The following ITGB4 variants were observed in gnomAD, a reference collection of about 807,000 sequenced individuals.
ITGB4 encodes the protein integrin subunit beta 4, also known as integrin beta-4.
Under a neutral mutation model 207.6 loss-of-function variants are expected in ITGB4, and 159 were observed. The ratio of observed to expected loss-of-function variants is 0.77; its 90% confidence interval spans 0.67 to 0.87. The LOEUF is 0.87. Among genes scored for constraint, ITGB4 ranks in the 40% least tolerant of loss-of-function variants. The pLI, the probability that ITGB4 is intolerant of heterozygous loss-of-function variation, is 0.00. For missense variants in ITGB4, 2,278 were observed against 2,546.8 expected (o/e 0.89, Z 2.27); for synonymous variants, 1,020 against 1,062.7 (o/e 0.96, Z 0.78).
Position 75,727,420 on chromosome 17 carries a change from G to A in ITGB4, c.179G>A (p.Arg60His), listed in dbSNP as rs746305033. 64 of 1,614,028 alleles carry A rather than the reference G, an allele frequency of 4.0e-5. 1 individual carries two copies. The South Asian group carries it at 5.8e-4, about 15-fold the overall frequency. ...YCTDEMFRDRRCNTQAELLAA... is the reference protein window; with the variant it reads ...YCTDEMFRDRHCNTQAELLAA... ...TCTGGCCAGATGTTCAGGGACCGGC[G>A]CTGCAACACCCAGGCGGAGCTGCTG... is the stretch of plus-strand genomic sequence containing the variant. The change falls in exon 4 of 40, where the codon CGC (arginine) becomes CAC (histidine). Residue 60 changes from arginine (R) to histidine (H), a missense_variant. Coordinates refer to ENST00000200181, the MANE Select transcript of ITGB4 (RefSeq NM_000213.5). This position sits in a 1 kb window ranked among gnomAD's most constrained non-coding sequence, Gnocchi z 6.0.
chr17:75,739,732 C>T lies in ITGB4; in HGVS notation c.2254+27C>T. On this transcript the variant is annotated intron_variant, in intron 19 of 39. Transcript: ENST00000200181. The surrounding 1 kb of genome is among the most constrained non-coding windows in gnomAD (Gnocchi z 5.4). Reference sequence around the variant, plus strand: ...TATGGGCCTGGCATCGCAGGGGCAGCAGGGGCTCTGACTGCTCTTTCTCTG... The same window carrying T: ...TATGGGCCTGGCATCGCAGGGGCAGTAGGGGCTCTGACTGCTCTTTCTCTG... 1.2e-6 allele frequency: 2 copies of T among 1,613,946 alleles called. No individual in the cohort carries two copies. The highest frequency in any genetic ancestry group is 1.7e-6 in the Non-Finnish European group (2 of 1,179,890).
Position 75,755,767 on chromosome 17 carries a change from CAT to C in ITGB4, c.4626_4627del (p.Leu1544GlnfsTer27). On this transcript the variant is annotated frameshift_variant, in exon 35 of 40. Coordinates refer to ENST00000200181, the MANE Select transcript of ITGB4 (RefSeq NM_000213.5). LOFTEE classifies it high-confidence loss of function. ...CTGGTGTTCTCTGCCCTGGGGCCCA[CAT>C]CTCTCAGAGTGAGCTGGCAGGAGCC... 1 of 1,612,788 alleles carries C rather than the reference CAT, an allele frequency of 6.2e-7. No individual in the cohort carries two copies. The highest frequency in any genetic ancestry group is 8.5e-7 in the Non-Finnish European group (1 of 1,179,968).
intron 2 of ITGB4, among the ~76,000 whole-genome samples, chr17:75,726,869 C>T (rs865863846): frequency 1.3e-5 from 2 of 152,246 alleles, no homozygotes; most frequent in South Asian, 2.1e-4. Context: ...GTCAGGAGAT[C>T]GAGACCATCC....
intron 6 of ITGB4, among the ~76,000 whole-genome samples, chr17:75,728,755 C>T (rs916957100): frequency 4.6e-5 from 7 of 151,974 alleles, no homozygotes; most frequent in South Asian, 2.1e-4. Context: ...GAGGCCAAGG[C>T]GGGTGGATCA....
chr17:75,740,195 T>G lies in ITGB4; in HGVS notation c.2446+124T>G. 1 of 1,234,540 alleles carries G rather than the reference T, an allele frequency of 8.1e-7. No individual in the cohort carries two copies. Among genetic ancestry groups the G allele is most frequent in the Non-Finnish European group, 1.1e-6 (1 of 878,080 alleles). The allele number at this position is 1,234,540 out of a possible 1,614,324, so 76.5% of individuals were successfully genotyped here. Reference sequence around the variant, plus strand: ...GCAGGCACAGGGCTCAGCCACCTTTTGCCCTGTGCTGATGGTGCTATGAAC... The same window carrying G: ...GCAGGCACAGGGCTCAGCCACCTTTGGCCCTGTGCTGATGGTGCTATGAAC... On this transcript the variant is annotated intron_variant, in intron 20 of 39. Coordinates refer to ENST00000200181, the MANE Select transcript of ITGB4 (RefSeq NM_000213.5). This position sits in a 1 kb window ranked among gnomAD's most constrained non-coding sequence, Gnocchi z 5.9.
chr17:75,746,916 G>A (rs1023194571), intron 26 of ITGB4, among the ~76,000 whole-genome samples: 29 of 104,882 alleles, frequency 2.8e-4, no homozygotes, highest in African/African-American at 9.5e-4. Flanking sequence ...GTGACAGAGT[G>A]AAACCCCTGT....
At chr17:75,755,671 C>G in intron 34 of ITGB4, 30 bp from the exon 35 acceptor site, 1 of 1,612,176 alleles carries the variant, frequency 6.2e-7, no homozygotes, top group Non-Finnish European at 8.5e-7. Flanking sequence ...GCCCCTGCAT[C>G]TCTGGCTGAC....
chr17:75,741,054 G>C lies in ITGB4; in HGVS notation c.2633+49G>C, dbSNP rs770177049. On this transcript the variant is annotated intron_variant, in intron 23 of 39. Transcript: ENST00000200181. Reference sequence around the variant, plus strand: ...GAGGGCCCCCACTTCCTGCCCGCCTGTCCCCAGCCCAGCCACTGCCTCGTC... The same window carrying C: ...GAGGGCCCCCACTTCCTGCCCGCCTCTCCCCAGCCCAGCCACTGCCTCGTC... The C allele has an allele frequency of 5.6e-6, 9 of 1,598,752 alleles. No individual in the cohort carries two copies. The Admixed American group carries it at 6.7e-5, about 12-fold the overall frequency.
chr17:75,754,600 A>G lies in ITGB4; in HGVS notation c.4343A>G (p.Asp1448Gly), dbSNP rs758577110. The part of the protein sequence containing the change: ...PGEHLVNGRM[D>G]FAFPGSTNSL... ...GAGCACCTGGTGAATGGCCGGATGG[A>G]CTTTGCCTTCCCGGGCAGCACCAAC... Residue 1448 changes from aspartate to glycine, a missense_variant, in exon 34 of 40, where the codon GAC (aspartate) becomes GGC (glycine). Transcript: ENST00000200181. 6.2e-7 allele frequency: 1 copy of G among 1,613,700 alleles called. No individual in the cohort carries two copies. Among genetic ancestry groups the G allele is most frequent in the Non-Finnish European group, 8.5e-7 (1 of 1,179,924 alleles).
At position 75,733,610 on chromosome 17, in the gene ITGB4, C is replaced by G. The variant is rs2060911229; in HGVS notation, c.1575C>G (p.Cys525Trp). 6.2e-7 allele frequency: 1 copy of G among 1,614,014 alleles called. No homozygotes were observed. Among genetic ancestry groups the G allele is most frequent in the African/African-American group, 1.3e-5 (1 of 74,940 alleles). ...AGTGCCAGTGCGGGCACTGTGTGTG[C>G]TACGGCGAAGGCCGCTACGAGGGTC... ...RGECQCGHCVCYGEGRYEGQF... is the reference protein window; with the variant it reads ...RGECQCGHCVWYGEGRYEGQF... The change falls in exon 13 of 40, where the codon TGC (cysteine) becomes TGG (tryptophan). Residue 525 changes from cysteine (C) to tryptophan (W), a missense_variant. Physicochemically the swap from Cys to Trp is radical, Grantham distance 215. Coordinates refer to ENST00000200181, the MANE Select transcript of ITGB4 (RefSeq NM_000213.5).
At chr17:75,748,603 G>A (rs960376863) in intron 26 of ITGB4, among the ~76,000 whole-genome samples, 3 of 150,388 alleles carry the variant, frequency 2.0e-5, no homozygotes, top group African/African-American at 7.4e-5. Flanking sequence ...CTGGAAGGTG[G>A]AGGTTGCAGT....
At position 75,753,892 on chromosome 17, in the gene ITGB4, G is replaced by A; in HGVS notation, c.4236G>A (p.Ala1412=). The A allele has an allele frequency of 7.7e-7, 1 of 1,302,152 alleles. No individual in the cohort carries two copies. Among genetic ancestry groups the A allele is most frequent in the Non-Finnish European group, 9.7e-7 (1 of 1,030,724 alleles). The allele number at this position is 1,302,152 out of a possible 1,614,324, so 80.7% of individuals were successfully genotyped here. ...GCGGGCGCTCCTCCGACGCCGAGGC[G>A]CCCCACGGGCCCCCGGACGACGGCG... The part of the protein sequence containing the change: ...ASSGRSSDAE[A]PHGPPDDGGA... The change falls in exon 33 of 40, where the codon GCG becomes GCA. Residue 1412 remains alanine, a synonymous_variant. Transcript: ENST00000200181.
chr17:75,754,885 C>T (rs2061453489), intron 34 of ITGB4, 70 bp downstream of exon 34: 1 of 1,602,152 alleles, frequency 6.2e-7, no homozygotes, highest in Non-Finnish European at 8.5e-7. Context: ...GAGCCTCGGG[C>T]TTCTGTCTGC....
At chr17:75,754,940 A>G (rs1250239319) in intron 34 of ITGB4, 125 bp downstream of exon 34, 22 of 1,488,938 alleles carry the variant, frequency 1.5e-5, no homozygotes, top group Non-Finnish European at 5.5e-6. Context: ...GCATGCACAC[A>G]TGCACGCACA....
chr17:75,727,924 A>G lies in ITGB4; in HGVS notation c.469+69A>G. 2 of 1,418,010 alleles carry G rather than the reference A, an allele frequency of 1.4e-6. No homozygotes were observed. The highest frequency in any genetic ancestry group is 9.9e-7 in the Non-Finnish European group (1 of 1,010,660). The allele number at this position is 1,418,010 out of a possible 1,614,324, so 87.8% of individuals were successfully genotyped here. ...CAGGTGGGCGTCTGCTTGGGAGGCCAGGACTCAGGACAGCTGCACCCACCC... is the reference window on the plus strand; with the variant it reads ...CAGGTGGGCGTCTGCTTGGGAGGCCGGGACTCAGGACAGCTGCACCCACCC... On this transcript the variant is annotated intron_variant, in intron 5 of 39. Coordinates refer to ENST00000200181, the MANE Select transcript of ITGB4 (RefSeq NM_000213.5). This position sits in a 1 kb window ranked among gnomAD's most constrained non-coding sequence, Gnocchi z 6.0.
chr17:75,757,000 C>A lies in ITGB4; in HGVS notation c.5111C>A (p.Pro1704Gln). Reference protein sequence around the residue: ...GDSPESRLTVPGLSENVPYKF... With the variant: ...GDSPESRLTVQGLSENVPYKF... ...AGCCCCGAGAGCCGGCTGACCGTGC[C>A]GGGCCTCAGCGAGAACGTGCCCTAC... Residue 1704 changes from proline to glutamine, a missense_variant, in exon 38 of 40, where the codon CCG becomes CAG. Transcript: ENST00000200181. 6.2e-7 allele frequency: 1 copy of A among 1,612,888 alleles called. No individual in the cohort carries two copies. Among genetic ancestry groups the A allele is most frequent in the South Asian group, 1.1e-5 (1 of 91,076 alleles).
rs2060973212 is a variant in ITGB4 at position 75,736,291 on chromosome 17, A to G, written c.1765A>G (p.Ile589Val). 1 of 1,613,770 alleles carries G rather than the reference A, an allele frequency of 6.2e-7. No homozygotes were observed. Among genetic ancestry groups the G allele is most frequent in the Admixed American group, 1.7e-5 (1 of 60,006 alleles). Reference protein sequence around the residue: ...NATCIDSNGGICNGRGHCECG... With the variant: ...NATCIDSNGGVCNGRGHCECG... The stretch of plus-strand genomic sequence containing the variant: ...CTGGTGCCCCCTCCTACCCCAGGGC[A>G]TCTGTAATGGACGTGGCCACTGTGA... Residue 589 changes from isoleucine to valine, a missense_variant, in exon 15 of 40, where the codon ATC becomes GTC. Ile to Val is a conservative substitution (Grantham distance 29). Coordinates refer to ENST00000200181, the MANE Select transcript of ITGB4 (RefSeq NM_000213.5).
chr17:75,753,609 C>T (rs1249186841), intron 32 of ITGB4, among the ~76,000 whole-genome samples, 156 bp from the exon 33 acceptor site: 2 of 152,214 alleles, frequency 1.3e-5, no homozygotes, highest in East Asian at 3.9e-4. Flanking sequence ...CTTCCCGCTC[C>T]GGCCGTGCGC....
intron 13 of ITGB4, among the ~76,000 whole-genome samples, chr17:75,734,135 T>G (rs935568652): frequency 1.4e-5 from 2 of 140,632 alleles, no homozygotes; most frequent in African/African-American, 2.7e-5. Flanking sequence ...CTGTTTTTTT[T>G]TTTTTTTTTT....
Sources: gnomAD v4.1 joint callset for allele counts (sites outside exome capture counted in the v4.1 genomes callset) on GRCh38, gnomAD v4.1.1 for gene constraint, Gnocchi (gnomAD v3.1) non-coding constraint, MANE v1.5 for transcripts, NCBI Gene and HGNC (gene_info 2026-07-23, HGNC 2026-07-21) for gene names.